The following ABR variants were observed in gnomAD, a reference collection of about 807,000 sequenced individuals.
ABR encodes ABR activator of RhoGEF and GTPase.
A neutral mutation model predicts 107.2 loss-of-function variants in ABR; 35 were observed. The ratio of observed to expected loss-of-function variants is 0.33; its 90% CI spans 0.25 to 0.43. The LOEUF (loss-of-function observed/expected upper bound fraction) is 0.43, where lower values mean the gene tolerates loss of function less well. ABR is among the 20% of genes least tolerant of loss of function. The probability of loss-of-function intolerance (pLI) is 1.00; values close to 1 mark genes in which losing one functional copy is unlikely to be tolerated. For synonymous variants in ABR, 498 were observed against 462.0 expected (o/e 1.08, Z -1.00); for missense variants, 815 against 1,115.2 (o/e 0.73, Z 3.83).
At chr17:1,209,071 G>A (rs769301402) in intron 1 of ABR, among the ~76,000 whole-genome samples, 1 of 152,086 alleles carries the variant, frequency 6.6e-6, no homozygotes, top group Non-Finnish European at 1.5e-5. Flanking sequence ...TCACTGCTCG[G>A]CTCAATGCAG....
intron 3 of ABR, among the ~76,000 whole-genome samples, chr17:1,093,460 C>T (rs2037173400): frequency 6.6e-6 from 1 of 152,078 alleles, no homozygotes; most frequent in East Asian, 1.9e-4. Context: ...CAGAGCCAGA[C>T]TCTGTCTCCA....
At chr17:1,132,803 C>A (rs918902432) in intron 1 of ABR, among the ~76,000 whole-genome samples, 3 of 152,174 alleles carry the variant, frequency 2.0e-5, no homozygotes, top group Non-Finnish European at 4.4e-5. Context: ...AGAATGTTAA[C>A]CTCATTTGTA....
intron 5 of ABR, among the ~76,000 whole-genome samples, chr17:1,082,777 A>G (rs898166039): frequency 6.6e-6 from 1 of 152,182 alleles, no homozygotes; most frequent in Non-Finnish European, 1.5e-5. Context: ...GCTCCGGGGA[A>G]GGTGCCAGGA....
chr17:1,073,553 C>A, intron 7 of ABR, 72 bp downstream of exon 7: 3 of 1,283,154 alleles, frequency 2.3e-6, no homozygotes, highest in Middle Eastern at 2.0e-4. Context: ...GACTCCAGCA[C>A]CCTCTCACCC....
chr17:1,010,627 G>T lies in ABR; in HGVS notation c.2236+102C>A. 6.6e-7 allele frequency: 1 copy of T among 1,506,204 alleles called. No individual in the cohort carries two copies. Among genetic ancestry groups the T allele is most frequent in the African/African-American group, 1.4e-5 (1 of 72,942 alleles). The allele number at this position is 1,506,204 out of a possible 1,614,324, so 93.3% of individuals were successfully genotyped here. The stretch of plus-strand genomic sequence containing the variant: ...CCCAGTGCACTGGGAAGGTCAGCCA[G>T]CAAAGGAAGCCACAGATATTTCTCC... On this transcript the variant is annotated intron_variant, in intron 20 of 22. Coordinates refer to ENST00000302538, the MANE Select transcript of ABR (RefSeq NM_021962.5). This position sits in a 1 kb window ranked among gnomAD's most constrained non-coding sequence, Gnocchi z 4.1.
intron 16 of ABR, 80 bp from the exon 17 acceptor site, chr17:1,013,244 A>C (rs879165914): frequency 7.5e-7 from 1 of 1,336,842 alleles, no homozygotes; most frequent in South Asian, 1.2e-5. Flanking sequence ...AGCACTGCTC[A>C]GAGCCAGCTA....
intron 1 of ABR, among the ~76,000 whole-genome samples, chr17:1,223,087 A>T (rs546508825): frequency 6.6e-6 from 1 of 152,226 alleles, no homozygotes; most frequent in African/African-American, 2.4e-5. Context: ...CTGTAATCCC[A>T]GCTACTCGGG....
Position 1,148,988 on chromosome 17 carries a change from G to A in ABR, c.62-23621C>T, listed in dbSNP as rs954732937. On this transcript the variant is annotated intron_variant, in intron 1 of 22. Coordinates refer to ENST00000302538, the MANE Select transcript of ABR (RefSeq NM_021962.5). The surrounding 1 kb of genome is among the most constrained non-coding windows in gnomAD (Gnocchi z 4.9). ...GCCATCTCGGCTCACTGCAAGCTCC[G>A]CCTCCTGGGTTCACGCCATTCTCCT... is the stretch of plus-strand genomic sequence containing the variant. Among the ~76,000 whole-genome samples, 16 of 150,912 alleles carry A rather than the reference G, an allele frequency of 1.1e-4. No homozygotes were observed. The highest frequency in any genetic ancestry group is 2.1e-4 in the Non-Finnish European group (14 of 67,770).
At chr17:1,030,975 C>T (rs752065322) in intron 16 of ABR, among the ~76,000 whole-genome samples, 2 of 152,202 alleles carry the variant, frequency 1.3e-5, no homozygotes, top group Non-Finnish European at 2.9e-5. Context: ...GCAGGACAGT[C>T]GGCTTCTATC....
At position 1,006,115 on chromosome 17, in the gene ABR, T is replaced by A; in HGVS notation, c.2545A>T (p.Lys849Ter). ...GTGGAGAAGTACAGTGTGTTCCGCTTGAGTTCTGCGAAGGAAATGGGGGGG... is the reference window on the plus strand; with the variant it reads ...GTGGAGAAGTACAGTGTGTTCCGCTAGAGTTCTGCGAAGGAAATGGGGGGG... Reference protein sequence around the residue: ...QHPPISFAELKRNTLYFSTDV With the variant: ...QHPPISFAEL Residue 849 changes from lysine (K) to a stop codon, truncating the protein, a stop_gained, in exon 23 of 23, where the codon AAG (lysine) becomes TAG (stop). Transcript: ENST00000302538. LOFTEE classifies it high-confidence loss of function. The A allele has an allele frequency of 6.3e-7, 1 of 1,586,050 alleles. No individual in the cohort carries two copies. Among genetic ancestry groups the A allele is most frequent in the Non-Finnish European group, 8.6e-7 (1 of 1,165,872 alleles).
Position 1,216,089 on chromosome 17 carries a change from G to T in ABR, c.838+12704C>A, listed in dbSNP as rs369591254. On this transcript the variant is annotated intron_variant, in intron 1 of 22. Transcript: ENST00000574139. Reference sequence around the variant, plus strand: ...GAAAACCAGAGACCTTTGTTCACTTGTTTATCTGCTGACCTTCCCTCCACT... The same window carrying T: ...GAAAACCAGAGACCTTTGTTCACTTTTTTATCTGCTGACCTTCCCTCCACT... Among the ~76,000 whole-genome samples, 658 of 151,324 alleles carry T rather than the reference G, an allele frequency of 4.3e-3. 9 individuals are homozygous for T. Among genetic ancestry groups the T allele is most frequent in the African/African-American group, 0.016 (643 of 41,260 alleles).
intron 1 of ABR, among the ~76,000 whole-genome samples, chr17:1,212,158 G>C (rs533712516): frequency 6.8e-6 from 1 of 147,464 alleles, no homozygotes; most frequent in Non-Finnish European, 1.5e-5. Flanking sequence ...GCTGGGCATG[G>C]TGGCTCACGC....
intron 16 of ABR, among the ~76,000 whole-genome samples, chr17:1,018,099 G>A (rs949871084): frequency 1.3e-5 from 2 of 151,350 alleles, no homozygotes; most frequent in East Asian, 1.9e-4. Flanking sequence ...CTGGAGTGCT[G>A]TGGCGCGATC....
chr17:1,097,815 T>A (rs1231242152), intron 3 of ABR, among the ~76,000 whole-genome samples: 1 of 152,176 alleles, frequency 6.6e-6, no homozygotes, highest in East Asian at 1.9e-4. Context: ...ACTATGTTCC[T>A]TTTTGGACAG....
chr17:1,038,240 C>G (rs1476663890), intron 16 of ABR, among the ~76,000 whole-genome samples: 1 of 152,210 alleles, frequency 6.6e-6, no homozygotes, highest in African/African-American at 2.4e-5. Flanking sequence ...ACCTTAGGTT[C>G]CCAGCAGCTC....
At chr17:1,007,459 C>T (rs542543615) in intron 21 of ABR, 147 bp from the exon 22 acceptor site, 27 of 950,102 alleles carry the variant, frequency 2.8e-5, no homozygotes, top group African/African-American at 2.8e-4. Flanking sequence ...GGACCTCCCC[C>T]GGGGGAAGGG....
rs369100424 is a variant in ABR, at chr17:1,103,721, A to G, written c.247-2986T>C. Among the ~76,000 whole-genome samples, 28 of 152,170 alleles carry G rather than the reference A, an allele frequency of 1.8e-4. 2 individuals are homozygous for G. Among genetic ancestry groups the G allele is most frequent in the Admixed American group, 7.9e-4 (12 of 15,268 alleles). On this transcript the variant is annotated intron_variant, in intron 2 of 22. Coordinates refer to ENST00000302538, the MANE Select transcript of ABR (RefSeq NM_021962.5). ...CCTCAAGAGGCAACAGTCAGCCCCA[A>G]GAGTCCTGCTCTGGGCCCCGTTCAC...
At position 1,078,738 on chromosome 17, in the gene ABR, C is replaced by G; in HGVS notation, c.700+592G>C. 1 of 1,461,724 alleles carries G rather than the reference C, an allele frequency of 6.8e-7. No homozygotes were observed. Among genetic ancestry groups the G allele is most frequent in the Non-Finnish European group, 9.2e-7 (1 of 1,083,820 alleles). 90.5% of individuals were successfully genotyped at this position (1,461,724 alleles called of 1,614,324 possible). ...CCCTGCGGCCCTCTAACCTCCCCGG[C>G]CACATCTAAGCCCACTCCAGCCGGC... On this transcript the variant is annotated intron_variant, in intron 6 of 22. Transcript: ENST00000302538. The surrounding 1 kb of genome is among the most constrained non-coding windows in gnomAD (Gnocchi z 7.5).
Position 1,012,753 on chromosome 17 carries a change from G to A in ABR, c.1896C>T (p.Ser632=). ...GCTTTTTGGACGGGGTCCTCTTCAG[G>A]CTCATATCTCGGCTGGTGAATTTCA... The part of the protein sequence containing the change: ...FSMKFTSRDM[S]LKRTPSKKQT... The change falls in exon 18 of 23, where the codon AGC becomes AGT. Residue 632 remains serine, a synonymous_variant. Transcript: ENST00000302538. 2 of 1,598,770 alleles carry A rather than the reference G, an allele frequency of 1.3e-6. No individual in the cohort carries two copies. The highest frequency in any genetic ancestry group is 1.1e-5 in the South Asian group (1 of 88,346).
Sources: allele counts gnomAD v4.1 joint callset (sites outside exome capture counted in the v4.1 genomes callset), GRCh38; gene constraint gnomAD v4.1.1; non-coding constraint Gnocchi (gnomAD v3.1); transcripts MANE v1.5; gene names NCBI Gene and HGNC (gene_info 2026-07-23, HGNC 2026-07-21).